The following DRC7 variants were observed in gnomAD, a reference collection of about 807,000 sequenced individuals.
The protein encoded by DRC7 is dynein regulatory complex subunit 7.
DRC7 carries 80 observed loss-of-function variants against 104.4 expected under a neutral mutation model. That is an observed-to-expected ratio of 0.77 (90% CI 0.64 to 0.92). DRC7 has a LOEUF of 0.92. DRC7 is among the 40% of genes least tolerant of loss of function. The pLI, the probability that DRC7 is intolerant of heterozygous loss-of-function variation, is 0.00. For missense variants in DRC7, 1,034 were observed against 1,141.1 expected (o/e 0.91, Z 1.35); for synonymous variants, 405 against 447.3 (o/e 0.91, Z 1.19).
intron 8 of DRC7, among the ~76,000 whole-genome samples, chr16:57,715,355 C>CT (rs1466275880): frequency 6.6e-6 from 1 of 151,992 alleles, no homozygotes; most frequent in Non-Finnish European, 1.5e-5. Context: ...TGATGACCTG[C>CT]TTTTTTAATG....
At chr16:57,728,695 G>A in intron 17 of DRC7, 111 bp downstream of exon 17, 2 of 829,764 alleles carry the variant, frequency 2.4e-6, no homozygotes, top group Non-Finnish European at 3.6e-6. Flanking sequence ...CCTGATGACG[G>A]GATGAATATG....
At chr16:57,730,712 A>G (rs1188103096) in intron 17 of DRC7, among the ~76,000 whole-genome samples, 1 of 151,852 alleles carries the variant, frequency 6.6e-6, no homozygotes, top group African/African-American at 2.4e-5. Context: ...TTCTGATCTC[A>G]TGGACATGAC....
Position 57,698,145 on chromosome 16 carries a change from G to C in DRC7, c.196G>C (p.Glu66Gln). 1 of 1,614,066 alleles carries C rather than the reference G, an allele frequency of 6.2e-7. No homozygotes were observed. The highest frequency in any genetic ancestry group is 8.5e-7 in the Non-Finnish European group (1 of 1,180,018). ...LSEIQITVSA[E>Q]LPAFTKDTID... ...AGAGATCCAGATCACTGTCTCAGCG[G>C]AGCTCCCGTGAGTGTGGCAGGGTGG... The change falls in exon 3 of 19, where the codon GAG becomes CAG. Residue 66 changes from glutamate to glutamine, a missense_variant. Transcript: ENST00000360716.
At position 57,707,606 on chromosome 16, in the gene DRC7, C is replaced by A. The variant is rs755382591; in HGVS notation, c.1005C>A (p.Phe335Leu). The A allele has an allele frequency of 6.2e-7, 1 of 1,613,568 alleles. No homozygotes were observed. The highest frequency in any genetic ancestry group is 8.5e-7 in the Non-Finnish European group (1 of 1,180,024). The change falls in exon 8 of 19, where the codon TTC becomes TTA. Residue 335 changes from phenylalanine to leucine, a missense_variant. Phe to Leu is a conservative substitution (Grantham distance 22). Transcript: ENST00000360716. Reference protein sequence around the residue: ...GHSYSTQDEHFLGIESLWNHK... With the variant: ...GHSYSTQDEHLLGIESLWNHK... Reference sequence around the variant, plus strand: ...GCTACAGCACCCAGGATGAGCACTTCCTGGGCATCGAAAGCCTGTGGAACC... The same window carrying A: ...GCTACAGCACCCAGGATGAGCACTTACTGGGCATCGAAAGCCTGTGGAACC...
intron 8 of DRC7, among the ~76,000 whole-genome samples, chr16:57,712,730 C>T (rs1215024355): frequency 2.0e-5 from 3 of 151,606 alleles, no homozygotes; most frequent in Non-Finnish European, 2.9e-5. Flanking sequence ...TGCAATGGCG[C>T]GATCTTCACT....
intron 12 of DRC7, among the ~76,000 whole-genome samples, chr16:57,723,416 G>A (rs1199523198): frequency 6.6e-6 from 1 of 152,156 alleles, no homozygotes; most frequent in Non-Finnish European, 1.5e-5. Flanking sequence ...CTCACCATGG[G>A]GTCACACGGT....
chr16:57,696,734 T>G (rs1211969799), intron 2 of DRC7, 140 bp downstream of exon 2: 2 of 152,002 alleles, frequency 1.3e-5, no homozygotes, highest in Non-Finnish European at 2.9e-5. Context: ...CAAGAGAGAG[T>G]AGGCTGTGTT....
chr16:57,717,127 C>T (rs1438895789), intron 8 of DRC7, among the ~76,000 whole-genome samples: 1 of 150,948 alleles, frequency 6.6e-6, no homozygotes, highest in Non-Finnish European at 1.5e-5. Context: ...CACTGCACTC[C>T]AGCCTGGGCA....
intron 6 of DRC7, among the ~76,000 whole-genome samples, chr16:57,704,456 G>A (rs1166050499): frequency 6.6e-6 from 1 of 151,670 alleles, no homozygotes. Flanking sequence ...AACATATGAG[G>A]CCCTCCGATG....
In DRC7 at chr16:57,707,637, A is replaced by G; in HGVS notation, c.1036A>G (p.Asn346Asp). The G allele has an allele frequency of 1.2e-6, 2 of 1,613,548 alleles. No individual in the cohort carries two copies. Among genetic ancestry groups the G allele is most frequent in the Non-Finnish European group, 1.7e-6 (2 of 1,180,006 alleles). The stretch of plus-strand genomic sequence containing the variant: ...CATCGAAAGCCTGTGGAACCACAAG[A>G]ACTACTGGATCAACATGCAGGATTG... The part of the protein sequence containing the change: ...LGIESLWNHK[N>D]YWINMQDCWN... The change falls in exon 8 of 19, where the codon AAC (asparagine) becomes GAC (aspartate). Residue 346 changes from asparagine to aspartate, a missense_variant. Physicochemically the swap from Asn to Asp is conservative, Grantham distance 23. Coordinates refer to ENST00000360716, the MANE Select transcript of DRC7 (RefSeq NM_001289162.2).
chr16:57,723,217 A>G, intron 12 of DRC7, 87 bp downstream of exon 12: 1 of 1,485,866 alleles, frequency 6.7e-7, no homozygotes, highest in Non-Finnish European at 9.1e-7. Flanking sequence ...GGTGGCAGGA[A>G]CCAGCATACA....
intron 17 of DRC7, among the ~76,000 whole-genome samples, chr16:57,730,434 G>A (rs191707173): frequency 3.3e-4 from 50 of 152,148 alleles, no homozygotes; most frequent in African/African-American, 1.2e-3. Context: ...TGGGTGGAGG[G>A]ATGGGCAGAG....
chr16:57,705,560 C>T (rs1458365576), intron 7 of DRC7, among the ~76,000 whole-genome samples: 2 of 148,622 alleles, frequency 1.3e-5, no homozygotes, highest in East Asian at 4.1e-4. Context: ...ATCTGTCCTC[C>T]CACCCACCTC....
chr16:57,729,569 G>A (rs1436785231), intron 17 of DRC7, among the ~76,000 whole-genome samples: 11 of 120,706 alleles, frequency 9.1e-5, no homozygotes, highest in African/African-American at 3.4e-4. Context: ...TGAGTGGGTG[G>A]GTGGATGGAT....
At chr16:57,725,804 G>A in intron 13 of DRC7, 1 of 478,686 alleles carries the variant, frequency 2.1e-6, no homozygotes, top group African/African-American at 1.9e-5. Flanking sequence ...TGGAGAGGTG[G>A]TGAGCTCCCC....
At position 57,707,375 on chromosome 16, in the gene DRC7, G is replaced by T. The variant is rs1233810128; in HGVS notation, c.859-85G>T. The T allele has an allele frequency of 3.8e-6, 5 of 1,300,558 alleles. No individual in the cohort carries two copies. The Admixed American group carries it at 8.8e-5, about 23-fold the overall frequency. The allele number at this position is 1,300,558 out of a possible 1,614,324, so 80.6% of individuals were successfully genotyped here. A position where few individuals can be genotyped will look rare whatever the true frequency, so the allele number is the denominator to read the frequency against. On this transcript the variant is annotated intron_variant, in intron 7 of 18. Coordinates refer to ENST00000360716, the MANE Select transcript of DRC7 (RefSeq NM_001289162.2). The stretch of plus-strand genomic sequence containing the variant: ...ACATCAGAACTCAGCTCTCCTGCTG[G>T]TTCCCCAGCCCCAGGGAGATGTCTG...
intron 5 of DRC7, 45 bp from the exon 6 acceptor site, chr16:57,701,890 TG>T: frequency 6.5e-7 from 1 of 1,550,194 alleles, no homozygotes; most frequent in South Asian, 1.2e-5. Context: ...GAGGACAGGC[TG>T]GGGCAGCGGG....
At position 57,717,112 on chromosome 16, in the gene DRC7, C is replaced by A. The variant is rs540373479; in HGVS notation, c.1078-1235C>A. 2.0e-5 allele frequency among the ~76,000 whole-genome samples: 3 copies of A among 150,710 alleles called. No individual in the cohort carries two copies. The East Asian group carries it at 5.9e-4, about 30-fold the overall frequency. ...GATAGAGGTTGCAGTGAGCCGAGATCATACCACTGCACTCCAGCCTGGGCA... is the reference window on the plus strand; with the variant it reads ...GATAGAGGTTGCAGTGAGCCGAGATAATACCACTGCACTCCAGCCTGGGCA... On this transcript the variant is annotated intron_variant, in intron 8 of 18. Coordinates refer to ENST00000360716, the MANE Select transcript of DRC7 (RefSeq NM_001289162.2).
At chr16:57,716,211 C>A (rs957583044) in intron 8 of DRC7, among the ~76,000 whole-genome samples, 1 of 152,048 alleles carries the variant, frequency 6.6e-6, no homozygotes, top group Admixed American at 6.6e-5. Context: ...GCCAAGAGTG[C>A]GAATAGGTTG....
Sources: allele counts gnomAD v4.1 joint callset (sites outside exome capture counted in the v4.1 genomes callset), GRCh38; gene constraint gnomAD v4.1.1; transcripts MANE v1.5; gene names NCBI Gene and HGNC (gene_info 2026-07-23, HGNC 2026-07-21).